Variants in PIP4P2 observed in about 807,000 individuals in gnomAD.
PIP4P2 encodes the protein type 2 phosphatidylinositol 4,5-bisphosphate 4-phosphatase.
A neutral mutation model predicts 33.3 loss-of-function variants in PIP4P2; 19 were observed. That is an observed-to-expected ratio of 0.57 (90% CI 0.40 to 0.84). The LOEUF is 0.84. PIP4P2 is among the 40% of genes least tolerant of loss of function. PIP4P2 has a pLI of 0.00. For synonymous variants in PIP4P2, 110 were observed against 111.9 expected (o/e 0.98, Z 0.11); for missense variants, 270 against 324.7 (o/e 0.83, Z 1.29).
chr8:91,019,420 A>T (rs1811969856), intron 3 of PIP4P2, among the ~76,000 whole-genome samples: 1 of 121,866 alleles, frequency 8.2e-6, no homozygotes, highest in Non-Finnish European at 1.8e-5. Flanking sequence ...AAAAAAAAAA[A>T]AAAATATATT....
At chr8:91,027,446 GC>G (rs1175414285) in intron 1 of PIP4P2, among the ~76,000 whole-genome samples, 3 of 152,034 alleles carry the variant, frequency 2.0e-5, no homozygotes, top group African/African-American at 7.3e-5. Context: ...CCACCATCAA[GC>G]CCTTTGTCTC....
chr8:91,018,595 A>C, intron 3 of PIP4P2, 82 bp from the exon 4 acceptor site: 1 of 1,584,418 alleles, frequency 6.3e-7, no homozygotes, highest in Non-Finnish European at 8.6e-7. Context: ...CAAAAATATG[A>C]AATGTGCTAT....
At position 91,020,070 on chromosome 8, in the gene PIP4P2, G is replaced by A. The variant is rs1221195464; in HGVS notation, c.362+87C>T. 71 of 1,320,906 alleles carry A rather than the reference G, an allele frequency of 5.4e-5. 1 individual carries two copies. The Admixed American group carries it at 7.8e-4, about 15-fold the overall frequency. The allele number at this position is 1,320,906 out of a possible 1,614,324, so 81.8% of individuals were successfully genotyped here. ...ACTTTGAAAACAAAAACTCTTTCTAGAACAAAGCCTGGCACTGAAGAACCT... is the reference window on the plus strand; with the variant it reads ...ACTTTGAAAACAAAAACTCTTTCTAAAACAAAGCCTGGCACTGAAGAACCT... On this transcript the variant is annotated intron_variant, in intron 3 of 6. Transcript: ENST00000285419.
intron 5 of PIP4P2, among the ~76,000 whole-genome samples, chr8:90,999,484 A>T (rs2130348776): frequency 6.6e-6 from 1 of 152,182 alleles, no homozygotes; most frequent in African/African-American, 2.4e-5. Flanking sequence ...AAGAGGAGAG[A>T]AAAAACGAAG....
chr8:91,032,048 C>T (rs936576844), intron 1 of PIP4P2, among the ~76,000 whole-genome samples: 32 of 152,226 alleles, frequency 2.1e-4, no homozygotes, highest in African/African-American at 7.5e-4. Flanking sequence ...GAAACTGAGG[C>T]CCTGAGATGT....
chr8:91,031,090 T>C (rs1323759434), intron 1 of PIP4P2, among the ~76,000 whole-genome samples: 1 of 152,226 alleles, frequency 6.6e-6, no homozygotes, highest in Non-Finnish European at 1.5e-5. Context: ...TATTCAGGCA[T>C]GTCTGATAGT....
chr8:91,030,342 AT>A (rs771681699), intron 1 of PIP4P2, among the ~76,000 whole-genome samples: 1 of 152,124 alleles, frequency 6.6e-6, no homozygotes, highest in Non-Finnish European at 1.5e-5. Flanking sequence ...TCAAAACAGG[AT>A]TCTTCCTATT....
At chr8:91,001,151 G>A (rs545373300) in intron 5 of PIP4P2, among the ~76,000 whole-genome samples, 4 of 152,066 alleles carry the variant, frequency 2.6e-5, no homozygotes, top group South Asian at 2.1e-4. Context: ...TACCATGTAC[G>A]TTTTGCCCTA....
At chr8:91,040,540 G>C (rs1450793405) in intron 1 of PIP4P2, 104 bp downstream of exon 1, 1 of 1,331,758 alleles carries the variant, frequency 7.5e-7, no homozygotes, top group Non-Finnish European at 1.1e-6. Flanking sequence ...CAAGCGAGAG[G>C]CTCACCTCCA....
At chr8:91,030,955 G>A (rs1280971695) in intron 1 of PIP4P2, among the ~76,000 whole-genome samples, 2 of 152,160 alleles carry the variant, frequency 1.3e-5, no homozygotes, top group Admixed American at 6.5e-5. Context: ...CCCATTGAGA[G>A]GTAAGGTCTT....
chr8:91,002,672 G>A (rs1811714513), intron 5 of PIP4P2, among the ~76,000 whole-genome samples: 2 of 152,128 alleles, frequency 1.3e-5, no homozygotes, highest in South Asian at 4.1e-4. Flanking sequence ...TTTGTTCAAG[G>A]AATAAGCAGC....
chr8:91,015,396 C>A (rs1039647523), intron 4 of PIP4P2, among the ~76,000 whole-genome samples: 1 of 152,054 alleles, frequency 6.6e-6, no homozygotes, highest in African/African-American at 2.4e-5. Context: ...CCCCTGCCTG[C>A]ATACATAGAG....
chr8:91,005,903 T>C (rs376198046), intron 5 of PIP4P2, among the ~76,000 whole-genome samples: 6 of 152,342 alleles, frequency 3.9e-5, no homozygotes, highest in African/African-American at 1.4e-4. Context: ...ACAAGCCACC[T>C]AATTAAAAGA....
chr8:91,019,077 A>G (rs892919994), intron 3 of PIP4P2, among the ~76,000 whole-genome samples: 1 of 152,136 alleles, frequency 6.6e-6, no homozygotes, highest in African/African-American at 2.4e-5. Flanking sequence ...GATCACAGAA[A>G]AAAAACACAA....
intron 3 of PIP4P2, among the ~76,000 whole-genome samples, chr8:91,018,966 G>C (rs1436560107): frequency 6.6e-6 from 1 of 152,012 alleles, no homozygotes; most frequent in African/African-American, 2.4e-5. Context: ...TTTAATCAGA[G>C]ATGAAAAGAA....
chr8:91,001,330 A>G (rs193173974), intron 5 of PIP4P2, among the ~76,000 whole-genome samples: 179 of 152,200 alleles, frequency 1.2e-3, no homozygotes, highest in Middle Eastern at 6.8e-3. Flanking sequence ...CCACAGCTAA[A>G]ATAGAGAACA....
In PIP4P2 at chr8:90,995,092, C is replaced by T. The variant is rs1283024479; in HGVS notation, c.*585G>A. The T allele has an allele frequency of 1.3e-5, 2 of 152,114 alleles. No homozygotes were observed. Among genetic ancestry groups the T allele is most frequent in the Non-Finnish European group, 2.9e-5 (2 of 67,880 alleles). The allele number at this position is 152,114 out of a possible 1,614,324, so 9.4% of individuals were successfully genotyped here. The stretch of plus-strand genomic sequence containing the variant: ...CCAAAATATTTTATCTTTCTACAAA[C>T]AACAAAAAACAAGCAAACAGTATCT... On this transcript the variant is annotated 3_prime_UTR_variant, in exon 7 of 7. Transcript: ENST00000285419.
At chr8:91,012,683 A>T (rs1365031850) in intron 4 of PIP4P2, among the ~76,000 whole-genome samples, 3 of 152,160 alleles carry the variant, frequency 2.0e-5, no homozygotes, top group Non-Finnish European at 4.4e-5. Context: ...CTCTGCTAAT[A>T]TGATAATATG....
At position 91,034,670 on chromosome 8, in the gene PIP4P2, C is replaced by T. The variant is rs575059383; in HGVS notation, c.106+5974G>A. On this transcript the variant is annotated intron_variant, in intron 1 of 6. Transcript: ENST00000285419. ...TCTCAAATATCCTGCATCCTTTTCT[C>T]CTCATTGTGACAATCTGGCTTCCAG... Among the ~76,000 whole-genome samples, 16 of 152,276 alleles carry T rather than the reference C, an allele frequency of 1.1e-4. 2 individuals carry two copies. In the South Asian group the frequency reaches 3.1e-3, roughly 30 times the overall value.
Sources: allele counts gnomAD v4.1 joint callset (sites outside exome capture counted in the v4.1 genomes callset), GRCh38; gene constraint gnomAD v4.1.1; transcripts MANE v1.5; gene names NCBI Gene and HGNC (gene_info 2026-07-23, HGNC 2026-07-21).